ITGBL1: variants seen among roughly 807,000 people sequenced by gnomAD.
ITGBL1 encodes the protein integrin subunit beta like 1.
In ITGBL1, 51 loss-of-function variants were observed where a neutral mutation model predicts 68.5. That is an observed-to-expected ratio of 0.74 (90% confidence interval 0.59 to 0.94). ITGBL1 has a LOEUF of 0.94. ITGBL1 is among the 40% of genes least tolerant of loss of function. The pLI, the probability that ITGBL1 is intolerant of heterozygous loss-of-function variation, is 0.00. For missense variants in ITGBL1, 649 were observed against 647.4 expected (o/e 1.00, Z -0.03); for synonymous variants, 209 against 227.3 (o/e 0.92, Z 0.72).
chr13:101,532,965 A>T (rs374472659), intron 2 of ITGBL1, among the ~76,000 whole-genome samples: 6 of 152,338 alleles, frequency 3.9e-5, no homozygotes, highest in Admixed American at 3.3e-4. Context: ...CATATTTCCA[A>T]TGGCTGCATA....
chr13:101,615,131 C>T (rs939653561), intron 7 of ITGBL1, among the ~76,000 whole-genome samples: 4 of 152,014 alleles, frequency 2.6e-5, no homozygotes, highest in African/African-American at 9.7e-5. Context: ...TTTGGCGTTC[C>T]TTGGCTTGTG....
chr13:101,474,159 G>C (rs1299390706), intron 2 of ITGBL1, among the ~76,000 whole-genome samples: 2 of 152,144 alleles, frequency 1.3e-5, no homozygotes. Flanking sequence ...CAGTTCTACA[G>C]TTCTAGGCCT....
At chr13:101,617,077 G>T (rs1357097207) in intron 7 of ITGBL1, among the ~76,000 whole-genome samples, 1 of 152,118 alleles carries the variant, frequency 6.6e-6, no homozygotes, top group Non-Finnish European at 1.5e-5. Flanking sequence ...AGACATCTCT[G>T]CATAAAATCA....
chr13:101,610,254 CT>C (rs934951697), intron 7 of ITGBL1, among the ~76,000 whole-genome samples: 1 of 152,106 alleles, frequency 6.6e-6, no homozygotes, highest in African/African-American at 2.4e-5. Flanking sequence ...ACAATTTGCT[CT>C]GGTTATCAGC....
chr13:101,472,550 G>C (rs2048477017), intron 2 of ITGBL1, among the ~76,000 whole-genome samples: 1 of 152,132 alleles, frequency 6.6e-6, no homozygotes, highest in Non-Finnish European at 1.5e-5. Context: ...TCAGATTTCT[G>C]TTTTGGGGGT....
At chr13:101,671,426 G>GTTTTTTTTTTTTTTTTTTTT (rs66501713) in intron 7 of ITGBL1, among the ~76,000 whole-genome samples, 7 of 112,638 alleles carry the variant, frequency 6.2e-5, no homozygotes, top group East Asian at 3.5e-4. Context: ...GTATACCTTT[G>GTTTTTTTTTTTTTTTTTTTT]TTTTTTTTTT....
At position 101,713,807 on chromosome 13, in the gene ITGBL1, G is replaced by A. The variant is rs1162457005; in HGVS notation, c.1280-631G>A. 5 of 152,132 alleles carry A rather than the reference G, an allele frequency of 3.3e-5. No individual in the cohort carries two copies. In the East Asian group the frequency reaches 9.6e-4, roughly 29 times the overall value. The allele number at this position is 152,132 out of a possible 1,614,324, so 9.4% of individuals were successfully genotyped here. ...GGAGGGAAAAAGAGTTGAATCCAGA[G>A]CCTCATAAAATATGAACTTTGGGAG... On this transcript the variant is annotated intron_variant, in intron 9 of 10. Coordinates refer to ENST00000376180, the MANE Select transcript of ITGBL1 (RefSeq NM_004791.3).
At chr13:101,540,165 C>G (rs1334452780) in intron 2 of ITGBL1, among the ~76,000 whole-genome samples, 2 of 152,078 alleles carry the variant, frequency 1.3e-5, no homozygotes, top group African/African-American at 4.8e-5. Context: ...AGGTTTTCTT[C>G]TAGGGTTTTT....
At chr13:101,556,794 A>C (rs1310359899) in intron 2 of ITGBL1, among the ~76,000 whole-genome samples, 2 of 152,170 alleles carry the variant, frequency 1.3e-5, no homozygotes, top group Non-Finnish European at 2.9e-5. Flanking sequence ...GCAATGAAGG[A>C]TTCTACTCAG....
chr13:101,546,213 C>A (rs533693674), intron 2 of ITGBL1, among the ~76,000 whole-genome samples: 5 of 152,156 alleles, frequency 3.3e-5, no homozygotes, highest in African/African-American at 1.2e-4. Context: ...GCAAATAAAT[C>A]ATAAACATAA....
At chr13:101,699,670 A>G (rs1284339764) in intron 8 of ITGBL1, among the ~76,000 whole-genome samples, 1 of 152,194 alleles carries the variant, frequency 6.6e-6, no homozygotes, top group Non-Finnish European at 1.5e-5. Flanking sequence ...GAGTCAATTA[A>G]ACCTCTTTCC....
At chr13:101,679,736 G>T (rs1019467726) in intron 7 of ITGBL1, among the ~76,000 whole-genome samples, 1 of 152,138 alleles carries the variant, frequency 6.6e-6, no homozygotes, top group African/African-American at 2.4e-5. Context: ...CCATCTCAAG[G>T]TTCAAATAAT....
intron 2 of ITGBL1, among the ~76,000 whole-genome samples, chr13:101,531,243 A>T (rs1379646491): frequency 6.6e-6 from 1 of 152,210 alleles, no homozygotes; most frequent in East Asian, 1.9e-4. Flanking sequence ...ATGGAATACA[A>T]AAAAGTAAAC....
chr13:101,680,810 C>T (rs1485484532), intron 7 of ITGBL1, among the ~76,000 whole-genome samples: 1 of 152,124 alleles, frequency 6.6e-6, no homozygotes, highest in Non-Finnish European at 1.5e-5. Context: ...TCCAAGGAAT[C>T]ACATTTAGTT....
At chr13:101,592,443 A>G (rs1232651271) in intron 6 of ITGBL1, among the ~76,000 whole-genome samples, 4 of 152,152 alleles carry the variant, frequency 2.6e-5, no homozygotes, top group Non-Finnish European at 5.9e-5. Context: ...TAGGAATAAA[A>G]TTAACCAAGG....
chr13:101,585,853 AG>A (rs532404957), intron 6 of ITGBL1, among the ~76,000 whole-genome samples: 191 of 152,278 alleles, frequency 1.3e-3, no homozygotes, highest in African/African-American at 4.3e-3. Flanking sequence ...GCTGATATGG[AG>A]CCCCTTTTTC....
chr13:101,570,977 G>A (rs1594896706), intron 3 of ITGBL1, among the ~76,000 whole-genome samples: 1 of 152,076 alleles, frequency 6.6e-6, no homozygotes, highest in South Asian at 2.1e-4. Context: ...GTAAATATAT[G>A]CCTGTGCATA....
chr13:101,631,226 T>A (rs1244209529), intron 7 of ITGBL1, among the ~76,000 whole-genome samples: 2 of 152,160 alleles, frequency 1.3e-5, no homozygotes, highest in African/African-American at 2.4e-5. Context: ...TAAAAATATG[T>A]CGTCTTATAG....
chr13:101,649,175 A>G (rs556844065), intron 7 of ITGBL1, among the ~76,000 whole-genome samples: 2 of 152,146 alleles, frequency 1.3e-5, no homozygotes, highest in South Asian at 4.1e-4. Context: ...CAGATATTCA[A>G]TTTTTATTGA....
Sources: allele counts gnomAD v4.1 joint callset (sites outside exome capture counted in the v4.1 genomes callset), GRCh38; gene constraint gnomAD v4.1.1; transcripts MANE v1.5; gene names NCBI Gene and HGNC (gene_info 2026-07-23, HGNC 2026-07-21).